Variants in GPM6A observed in about 807,000 individuals in gnomAD.
GPM6A encodes glycoprotein M6A.
Under a neutral mutation model 32.1 loss-of-function variants are expected in GPM6A, and 7 were observed. That is an observed-to-expected ratio of 0.22 (90% CI 0.12 to 0.41). The LOEUF (loss-of-function observed/expected upper bound fraction) is 0.41, where lower values mean the gene tolerates loss of function less well. Among genes scored for constraint, GPM6A ranks in the 10% least tolerant of loss-of-function variants. The pLI is 1.00. For synonymous variants in GPM6A, 130 were observed against 123.4 expected (o/e 1.05, Z -0.35); for missense variants, 235 against 347.2 (o/e 0.68, Z 2.57).
intron 1 of GPM6A, among the ~76,000 whole-genome samples, chr4:175,858,857 C>A (rs1736492111): frequency 6.6e-6 from 1 of 152,014 alleles, no homozygotes; most frequent in African/African-American, 2.4e-5. Context: ...ATAAACAAAT[C>A]TAATATATGC....
chr4:175,955,626 C>T (rs2126387353), intron 1 of GPM6A, among the ~76,000 whole-genome samples: 1 of 152,266 alleles, frequency 6.6e-6, no homozygotes. Flanking sequence ...TCCAATCTAT[C>T]TCTGGTTCAC....
rs762461030 is a variant in GPM6A, at chr4:175,673,710, G to T, written c.357C>A (p.Ile119=). 1 of 1,610,244 alleles carries T rather than the reference G, an allele frequency of 6.2e-7. No homozygotes were observed. Among genetic ancestry groups the T allele is most frequent in the South Asian group, 1.1e-5 (1 of 90,688 alleles). ...CGCTCACACATCTGCCACAAGTGGTGATTTTGAAATCCCCATAGAGATCTT... is the reference window on the plus strand; with the variant it reads ...CGCTCACACATCTGCCACAAGTGGTTATTTTGAAATCCCCATAGAGATCTT... ...AIKDLYGDFK[I]TTCGRCVSAW... The change falls in exon 3 of 7, where the codon ATC becomes ATA. Residue 119 remains isoleucine, a synonymous_variant. Coordinates refer to ENST00000393658, the MANE Select transcript of GPM6A (RefSeq NM_201591.3).
At chr4:175,911,768 G>A (rs1239935555) in intron 1 of GPM6A, among the ~76,000 whole-genome samples, 1 of 152,080 alleles carries the variant, frequency 6.6e-6, no homozygotes, top group Non-Finnish European at 1.5e-5. Context: ...GACAAAAGTG[G>A]GAATATGTAA....
chr4:175,860,783 T>G (rs1344517431), intron 1 of GPM6A, among the ~76,000 whole-genome samples: 2 of 152,144 alleles, frequency 1.3e-5, no homozygotes, highest in East Asian at 3.8e-4. Flanking sequence ...ACCAGGAAAA[T>G]CTTTCCTTAA....
intron 1 of GPM6A, among the ~76,000 whole-genome samples, chr4:175,705,929 A>T (rs1745163934): frequency 6.6e-6 from 1 of 152,176 alleles, no homozygotes; most frequent in African/African-American, 2.4e-5. Context: ...AATAGAACAG[A>T]TGGCTCAAAT....
At chr4:175,887,448 A>G (rs992700527) in intron 1 of GPM6A, among the ~76,000 whole-genome samples, 5 of 152,010 alleles carry the variant, frequency 3.3e-5, no homozygotes, top group Non-Finnish European at 7.4e-5. Flanking sequence ...AGCCTTATAT[A>G]CATATTTTAG....
At chr4:175,886,766 C>T (rs1216929341) in intron 1 of GPM6A, among the ~76,000 whole-genome samples, 1 of 148,656 alleles carries the variant, frequency 6.7e-6, no homozygotes, top group Non-Finnish European at 1.5e-5. Flanking sequence ...CAAACACACA[C>T]CAATAAGACA....
chr4:175,927,603 G>T (rs767969380), intron 1 of GPM6A, among the ~76,000 whole-genome samples: 1 of 152,188 alleles, frequency 6.6e-6, no homozygotes, highest in Non-Finnish European at 1.5e-5. Flanking sequence ...GGTATAATTC[G>T]GCCAGGCACG....
Position 175,701,613 on chromosome 4 carries a change from C to T in GPM6A, c.192G>A (p.Met64Ile). The change falls in exon 2 of 7, where the codon ATG becomes ATA. Residue 64 changes from methionine (M) to isoleucine (I), a missense_variant. By Grantham distance (10) the Met-to-Ile change is conservative. This residue lies in a region of GPM6A where 101 missense variants were observed against 171.2 expected (regional missense o/e 0.59). Transcript: ENST00000393658. The stretch of plus-strand genomic sequence containing the variant: ...CCAGTGTGTCTCCAGCAGTTCTTGC[C>T]ATCTCAAAGTAGGTTTGCAGAATGT... ...TVNILQTYFE[M>I]ARTAGDTLDV... 1 of 1,613,914 alleles carries T rather than the reference C, an allele frequency of 6.2e-7. No individual in the cohort carries two copies. The highest frequency in any genetic ancestry group is 8.5e-7 in the Non-Finnish European group (1 of 1,179,892).
intron 1 of GPM6A, among the ~76,000 whole-genome samples, chr4:175,958,112 C>T (rs770454549): frequency 2.6e-5 from 4 of 152,310 alleles, no homozygotes; most frequent in South Asian, 2.1e-4. Flanking sequence ...AGGCCCGTCT[C>T]GAACTCCTTA....
At position 175,812,255 on chromosome 4, in the gene GPM6A, A is replaced by G; in HGVS notation, c.-28T>C. On this transcript the variant is annotated 5_prime_UTR_variant, in exon 1 of 7. Coordinates refer to ENST00000393658, the MANE Select transcript of GPM6A (RefSeq NM_201591.3). ...CTACCTTTCTTCAGTAGAATCTGGT[A>G]CACGGAATTAATCAAAAGCTCAATT... 1 of 1,478,548 alleles carries G rather than the reference A, an allele frequency of 6.8e-7. No individual in the cohort carries two copies. Among genetic ancestry groups the G allele is most frequent in the Non-Finnish European group, 9.0e-7 (1 of 1,109,620 alleles). The allele number at this position is 1,478,548 out of a possible 1,614,324, so 91.6% of individuals were successfully genotyped here.
intron 1 of GPM6A, among the ~76,000 whole-genome samples, chr4:175,926,173 T>C (rs1272584118): frequency 1.3e-5 from 2 of 152,120 alleles, no homozygotes; most frequent in Admixed American, 6.6e-5. Context: ...ATATTTTAAA[T>C]TCAAACACAT....
intron 1 of GPM6A, among the ~76,000 whole-genome samples, chr4:175,775,759 A>G (rs1733368356): frequency 6.6e-6 from 1 of 152,048 alleles, no homozygotes; most frequent in Non-Finnish European, 1.5e-5. Flanking sequence ...ATATAAATAT[A>G]CTCCAAAAAT....
chr4:175,635,858 A>G (rs560009707), intron 6 of GPM6A, among the ~76,000 whole-genome samples: 50 of 152,256 alleles, frequency 3.3e-4, no homozygotes, highest in African/African-American at 1.1e-3. Flanking sequence ...CTAAGTTGAC[A>G]GTTATTTACA....
At chr4:175,968,334 A>G (rs762556234) in intron 1 of GPM6A, among the ~76,000 whole-genome samples, 1 of 152,190 alleles carries the variant, frequency 6.6e-6, no homozygotes, top group Non-Finnish European at 1.5e-5. Flanking sequence ...AGGGGATGAC[A>G]TAGGAGAAAA....
intron 1 of GPM6A, among the ~76,000 whole-genome samples, chr4:175,825,023 G>A (rs907096033): frequency 3.9e-5 from 6 of 152,064 alleles, no homozygotes; most frequent in South Asian, 2.1e-4. Flanking sequence ...AAGTCTTAAC[G>A]CTTGTAGCTA....
chr4:175,646,302 GAC>G (rs1741460497), intron 4 of GPM6A, among the ~76,000 whole-genome samples: 1 of 152,152 alleles, frequency 6.6e-6, no homozygotes, highest in Non-Finnish European at 1.5e-5. Context: ...AATTAGCAAT[GAC>G]ACATAGCTAG....
chr4:175,820,392 C>T (rs1735236227), intron 1 of GPM6A, among the ~76,000 whole-genome samples: 1 of 151,104 alleles, frequency 6.6e-6, no homozygotes, highest in Non-Finnish European at 1.5e-5. Flanking sequence ...GTATGTTGTC[C>T]TTATTATTTA....
chr4:175,771,918 T>G (rs1457294094), intron 1 of GPM6A, among the ~76,000 whole-genome samples: 2 of 152,200 alleles, frequency 1.3e-5, no homozygotes, highest in Non-Finnish European at 2.9e-5. Context: ...TGCTTTAGTA[T>G]AGAATTTTAT....
Sources: gnomAD v4.1 joint callset for allele counts (sites outside exome capture counted in the v4.1 genomes callset) on GRCh38, gnomAD v4.1.1 for gene constraint, gnomAD v4.1.1 regional missense constraint, MANE v1.5 for transcripts, NCBI Gene and HGNC (gene_info 2026-07-23, HGNC 2026-07-21) for gene names.